Variants in CEMIP observed in about 807,000 individuals in gnomAD.
CEMIP encodes the protein cell migration inducing hyaluronidase 1.
CEMIP carries 105 observed loss-of-function variants against 156.9 expected under a neutral mutation model. The observed-to-expected ratio is 0.67, with a 90% confidence interval of 0.57 to 0.79. The LOEUF is 0.79. CEMIP is among the 30% of genes least tolerant of loss of function. CEMIP has a pLI of 0.00. For synonymous variants in CEMIP, 676 were observed against 668.4 expected (o/e 1.01, Z -0.17); for missense variants, 1,457 against 1,769.4 (o/e 0.82, Z 3.17).
At chr15:80,820,807 C>T (rs780426118) in intron 1 of CEMIP, among the ~76,000 whole-genome samples, 32 of 152,146 alleles carry the variant, frequency 2.1e-4, no homozygotes, top group East Asian at 1.9e-4. Context: ...CCCGCTGGGA[C>T]GCTGTACACA....
At chr15:80,841,273 G>C (rs188957839) in intron 1 of CEMIP, among the ~76,000 whole-genome samples, 1 of 152,150 alleles carries the variant, frequency 6.6e-6, no homozygotes, top group African/African-American at 2.4e-5. Flanking sequence ...GGCCAGACTC[G>C]GTCCCTAGGC....
intron 25 of CEMIP, among the ~76,000 whole-genome samples, chr15:80,940,826 G>A (rs1276750447): frequency 1.3e-5 from 2 of 152,170 alleles, no homozygotes; most frequent in African/African-American, 4.8e-5. Flanking sequence ...ATCTCCCCAT[G>A]TTCACACACA....
rs115866577 is a variant in CEMIP, at chr15:80,932,033, C to G, written c.2787C>G (p.Asp929Glu). The change falls in exon 22 of 30, where the codon GAC (aspartate) becomes GAG (glutamate). Residue 929 changes from aspartate (D) to glutamate (E), a missense_variant. Asp to Glu is a conservative substitution (Grantham distance 45, BLOSUM62 2). This residue lies in a region of CEMIP where 798 missense variants were observed against 980.1 expected (regional missense o/e 0.81). Transcript: ENST00000394685. The surrounding 1 kb of genome is among the most constrained non-coding windows in gnomAD (Gnocchi z 4.5). The stretch of plus-strand genomic sequence containing the variant: ...ACGTGACCGGCATTGCCTTTGAGGA[C>G]GTTCCGGTGAGTGAGGCGCCAGGGC... ...HNNVTGIAFE[D>E]VPITSRVFFG... The G allele has an allele frequency of 6.2e-7, 1 of 1,613,528 alleles. No individual in the cohort carries two copies. Among genetic ancestry groups the G allele is most frequent in the African/African-American group, 1.3e-5 (1 of 75,046 alleles).
intron 23 of CEMIP, among the ~76,000 whole-genome samples, chr15:80,935,169 T>C (rs1045912223): frequency 6.6e-6 from 1 of 152,080 alleles, no homozygotes; most frequent in South Asian, 2.1e-4. Context: ...AAGATGCTAA[T>C]GGGAGTGAGT....
intron 8 of CEMIP, 124 bp from the exon 9 acceptor site, chr15:80,888,576 TA>T (rs1384553827): frequency 2.6e-5 from 19 of 723,712 alleles, no homozygotes; most frequent in Non-Finnish European, 3.4e-5. Flanking sequence ...TTTATTTACT[TA>T]AAAAATATTT....
At chr15:80,885,742 C>T (rs979616571) in intron 7 of CEMIP, among the ~76,000 whole-genome samples, 1 of 152,132 alleles carries the variant, frequency 6.6e-6, no homozygotes, top group East Asian at 1.9e-4. Flanking sequence ...GACTATAGGA[C>T]AATTAAATGT....
At chr15:80,942,446 G>T in intron 27 of CEMIP, 109 bp downstream of exon 27, 1 of 965,772 alleles carries the variant, frequency 1.0e-6, no homozygotes. Context: ...GGTGTTGGCA[G>T]GGGTGGTTTC....
At chr15:80,835,681 G>A (rs1416926609) in intron 1 of CEMIP, among the ~76,000 whole-genome samples, 5 of 152,250 alleles carry the variant, frequency 3.3e-5, no homozygotes, top group Non-Finnish European at 7.3e-5. Flanking sequence ...TGAGGACATT[G>A]TGTATGTTCA....
intron 1 of CEMIP, among the ~76,000 whole-genome samples, chr15:80,845,801 G>A (rs1002716819): frequency 5.9e-5 from 9 of 152,146 alleles, no homozygotes; most frequent in Admixed American, 1.3e-4. Flanking sequence ...GTCATTAGGC[G>A]GAGCTGGATG....
chr15:80,890,155 G>GT (rs1444042480), intron 10 of CEMIP, among the ~76,000 whole-genome samples: 2 of 152,224 alleles, frequency 1.3e-5, no homozygotes, highest in Non-Finnish European at 2.9e-5. Context: ...AGCTGAGCCA[G>GT]TGGGATACTA....
intron 7 of CEMIP, 132 bp from the exon 8 acceptor site, chr15:80,887,562 A>G: frequency 2.8e-6 from 2 of 717,166 alleles, no homozygotes; most frequent in Non-Finnish European, 5.0e-6. Flanking sequence ...AAGTGAATGA[A>G]TTTCCCCCAA....
intron 1 of CEMIP, among the ~76,000 whole-genome samples, chr15:80,790,055 G>A (rs1229247515): frequency 2.0e-5 from 3 of 152,140 alleles, no homozygotes; most frequent in African/African-American, 4.8e-5. Context: ...GATACGTGGT[G>A]CAGAAGTCTG....
chr15:80,829,504 C>T (rs1174750428), intron 1 of CEMIP, among the ~76,000 whole-genome samples: 2 of 152,196 alleles, frequency 1.3e-5, no homozygotes, highest in Non-Finnish European at 2.9e-5. Context: ...CCTTCTGGAC[C>T]GCCCTGCCAT....
Position 80,924,567 on chromosome 15 carries a change from T to C in CEMIP, c.2203-54T>C, listed in dbSNP as rs111677073. 2.8e-4 allele frequency: 417 copies of C among 1,487,642 alleles called. 1 individual carries two copies. The African/African-American group carries it at 5.1e-3, about 18-fold the overall frequency. 92.2% of individuals were successfully genotyped at this position (1,487,642 alleles called of 1,614,324 possible). A position where few individuals can be genotyped will look rare whatever the true frequency, so the allele number is the denominator to read the frequency against. ...TGCAGTGAGGCTGACTGTGAGACGA[T>C]GCCTGTAGCCCACAGTAGAAACTAA... On this transcript the variant is annotated intron_variant, in intron 17 of 29. Coordinates refer to ENST00000394685, the MANE Select transcript of CEMIP (RefSeq NM_001293298.2).
intron 1 of CEMIP, among the ~76,000 whole-genome samples, chr15:80,798,161 C>T (rs1223395434): frequency 1.3e-5 from 2 of 152,056 alleles, no homozygotes; most frequent in African/African-American, 4.8e-5. Flanking sequence ...AAAAGAAAAA[C>T]CCATAATCCT....
At chr15:80,847,748 C>G (rs1308456783) in intron 1 of CEMIP, among the ~76,000 whole-genome samples, 2 of 152,206 alleles carry the variant, frequency 1.3e-5, no homozygotes. Flanking sequence ...TTCATTCTGG[C>G]AAAACCGTGG....
chr15:80,849,650 G>T (rs1351305446), intron 1 of CEMIP, among the ~76,000 whole-genome samples: 1 of 151,704 alleles, frequency 6.6e-6, no homozygotes, highest in Non-Finnish European at 1.5e-5. Context: ...TGTCCTGTGT[G>T]GTTGAGCAGA....
chr15:80,933,345 T>C lies in CEMIP; in HGVS notation c.2894T>C (p.Val965Ala). ...GTGTTCCATGACGTCGACGGCTCCG[T>C]GTCCGAGTACCCTGGCTCCTACCTC... ...TSVFHDVDGS[V>A]SEYPGSYLTK... Residue 965 changes from valine to alanine, a missense_variant, in exon 23 of 30, where the codon GTG becomes GCG. Around this residue, in one of 5 missense-constraint regions of CEMIP, gnomAD observed 798 missense variants for 980.1 expected, o/e 0.81. Coordinates refer to ENST00000394685, the MANE Select transcript of CEMIP (RefSeq NM_001293298.2). The C allele has an allele frequency of 6.2e-7, 1 of 1,614,192 alleles. No individual in the cohort carries two copies. The highest frequency in any genetic ancestry group is 1.1e-5 in the South Asian group (1 of 91,082).
At chr15:80,824,151 G>T (rs1390885734) in intron 1 of CEMIP, among the ~76,000 whole-genome samples, 3 of 152,156 alleles carry the variant, frequency 2.0e-5, no homozygotes, top group Admixed American at 6.5e-5. Flanking sequence ...AGGCACACTG[G>T]GGGGCCCTGG....
Sources: gnomAD v4.1 joint callset for allele counts (sites outside exome capture counted in the v4.1 genomes callset) on GRCh38, gnomAD v4.1.1 for gene constraint, gnomAD v4.1.1 regional missense constraint, Gnocchi (gnomAD v3.1) non-coding constraint, MANE v1.5 for transcripts, NCBI Gene and HGNC (gene_info 2026-07-23, HGNC 2026-07-21) for gene names.